The following ST6GALNAC3 variants were observed in gnomAD, a reference collection of about 807,000 sequenced individuals.
ST6GALNAC3 encodes ST6 N-acetylgalactosaminide alpha-2,6-sialyltransferase 3.
A neutral mutation model predicts 32.7 loss-of-function variants in ST6GALNAC3; 25 were observed. The ratio of observed to expected loss-of-function variants is 0.76; its 90% CI spans 0.56 to 1.07. The LOEUF (loss-of-function observed/expected upper bound fraction) is 1.07, where lower values mean the gene tolerates loss of function less well. Ranked by LOEUF, ST6GALNAC3 falls within the 50% of genes least tolerant of loss-of-function variation. The probability of loss-of-function intolerance (pLI) is 0.00; values close to 1 mark genes in which losing one functional copy is unlikely to be tolerated. For synonymous variants in ST6GALNAC3, 129 were observed against 133.1 expected (o/e 0.97, Z 0.21); for missense variants, 355 against 382.4 (o/e 0.93, Z 0.60).
intron 1 of ST6GALNAC3, among the ~76,000 whole-genome samples, chr1:76,214,630 A>G (rs1409094993): frequency 1.3e-5 from 2 of 152,232 alleles, no homozygotes; most frequent in Non-Finnish European, 2.9e-5. Context: ...AAAGAAAGGA[A>G]TTATTTGTTT....
chr1:76,609,058 A>G (rs1570437772), intron 3 of ST6GALNAC3, among the ~76,000 whole-genome samples: 1 of 152,214 alleles, frequency 6.6e-6, no homozygotes, highest in Non-Finnish European at 1.5e-5. Flanking sequence ...TTTTTGGAGC[A>G]CAGTGGCTCA....
At position 76,476,767 on chromosome 1, in the gene ST6GALNAC3, T is replaced by G. The variant is rs77629383; in HGVS notation, c.623+64350T>G. ...TAAAACCTTCAACTGAAAATTGTGC[T>G]GCCCTTTATGAAAATGAGCAGCTGG... On this transcript the variant is annotated intron_variant, in intron 3 of 4. Transcript: ENST00000328299. Among the ~76,000 whole-genome samples, 4 of 152,312 alleles carry G rather than the reference T, an allele frequency of 2.6e-5. No individual in the cohort carries two copies. The East Asian group carries it at 7.7e-4, about 29-fold the overall frequency.
intron 1 of ST6GALNAC3, among the ~76,000 whole-genome samples, chr1:76,278,104 T>C (rs1242713986): frequency 2.3e-5 from 3 of 132,498 alleles, no homozygotes; most frequent in Non-Finnish European, 4.6e-5. Context: ...AACATTATAA[T>C]GTTGAGTCTT....
chr1:76,399,617 G>A (rs890257160), intron 2 of ST6GALNAC3, among the ~76,000 whole-genome samples: 1 of 152,176 alleles, frequency 6.6e-6, no homozygotes, highest in Non-Finnish European at 1.5e-5. Context: ...AAGAAATCTT[G>A]TGGTATTTGG....
At chr1:76,613,004 A>G (rs1383750766) in intron 3 of ST6GALNAC3, among the ~76,000 whole-genome samples, 2 of 152,220 alleles carry the variant, frequency 1.3e-5, no homozygotes, top group African/African-American at 4.8e-5. Flanking sequence ...AAGCCATAGC[A>G]GTAAGTGGGT....
intron 1 of ST6GALNAC3, among the ~76,000 whole-genome samples, chr1:76,241,507 G>A (rs1317459645): frequency 6.6e-6 from 1 of 152,086 alleles, no homozygotes; most frequent in Non-Finnish European, 1.5e-5. Context: ...CCCAGGAATG[G>A]AATTAATCCA....
intron 1 of ST6GALNAC3, among the ~76,000 whole-genome samples, chr1:76,144,209 C>T (rs1241786123): frequency 2.6e-5 from 4 of 152,142 alleles, no homozygotes; most frequent in South Asian, 4.1e-4. Context: ...AAGCGTGCTG[C>T]TTGGCCACAA....
intron 3 of ST6GALNAC3, among the ~76,000 whole-genome samples, chr1:76,614,949 T>C (rs778114013): frequency 6.6e-5 from 10 of 151,862 alleles, no homozygotes; most frequent in Non-Finnish European, 1.0e-4. Context: ...TGGGGTATTG[T>C]GGCATTGGTG....
intron 1 of ST6GALNAC3, among the ~76,000 whole-genome samples, chr1:76,176,234 G>A (rs1031099151): frequency 3.9e-5 from 6 of 152,124 alleles, no homozygotes; most frequent in East Asian, 1.9e-4. Context: ...GATTGCCCAC[G>A]CCCTCTTGCA....
rs80339963 is a variant in ST6GALNAC3, at chr1:76,543,867, G to A, written c.624-83585G>A. Among the ~76,000 whole-genome samples, 105 of 152,278 alleles carry A rather than the reference G, an allele frequency of 6.9e-4. 1 individual carries two copies. The East Asian group carries it at 0.019, about 28-fold the overall frequency. Reference sequence around the variant, plus strand: ...AATTCTTCTTAATTCAAGTCCTACAGAGTGGTCAACTTCTTATTTTGCTAA... The same window carrying A: ...AATTCTTCTTAATTCAAGTCCTACAAAGTGGTCAACTTCTTATTTTGCTAA... On this transcript the variant is annotated intron_variant, in intron 3 of 4. Transcript: ENST00000328299.
At chr1:76,106,972 A>T (rs1647574533) in intron 1 of ST6GALNAC3, among the ~76,000 whole-genome samples, 1 of 152,190 alleles carries the variant, frequency 6.6e-6, no homozygotes, top group African/African-American at 2.4e-5. Flanking sequence ...TATCTTGCTG[A>T]GAAATTAACT....
At chr1:76,167,366 A>G (rs921478084) in intron 1 of ST6GALNAC3, among the ~76,000 whole-genome samples, 1 of 152,198 alleles carries the variant, frequency 6.6e-6, no homozygotes, top group African/African-American at 2.4e-5. Context: ...ATTGTGGTAG[A>G]TAAATTTTTT....
intron 1 of ST6GALNAC3, among the ~76,000 whole-genome samples, chr1:76,138,534 C>T (rs186741647): frequency 3.4e-4 from 52 of 152,320 alleles, no homozygotes; most frequent in Middle Eastern, 3.4e-3. Flanking sequence ...TACTCTGCAT[C>T]GCTGCAGTTC....
At chr1:76,113,765 G>A (rs1648258990) in intron 1 of ST6GALNAC3, among the ~76,000 whole-genome samples, 2 of 152,076 alleles carry the variant, frequency 1.3e-5, no homozygotes, top group African/African-American at 4.8e-5. Context: ...GGATTTCTGA[G>A]GAAAATTCTG....
chr1:76,448,266 T>C (rs1375403950), intron 3 of ST6GALNAC3, among the ~76,000 whole-genome samples: 2 of 152,178 alleles, frequency 1.3e-5, no homozygotes, highest in Non-Finnish European at 2.9e-5. Flanking sequence ...GGCCAATTTC[T>C]CCTTTTGAAT....
chr1:76,505,003 C>T (rs567113292), intron 3 of ST6GALNAC3, among the ~76,000 whole-genome samples: 1 of 152,136 alleles, frequency 6.6e-6, no homozygotes, highest in African/African-American at 2.4e-5. Context: ...AAATAGATAT[C>T]TTTCCGTCAT....
intron 1 of ST6GALNAC3, among the ~76,000 whole-genome samples, chr1:76,305,521 T>C (rs1342792288): frequency 1.3e-5 from 2 of 152,052 alleles, no homozygotes; most frequent in African/African-American, 2.4e-5. Flanking sequence ...AGGTTTGATT[T>C]TGGAAAGCTC....
Position 76,251,202 on chromosome 1 carries a change from A to G in ST6GALNAC3, c.19-62603A>G, listed in dbSNP as rs74092733. 7.9e-3 allele frequency among the ~76,000 whole-genome samples: 1,200 copies of G among 152,192 alleles called. 16 individuals carry two copies. Among genetic ancestry groups the G allele is most frequent in the African/African-American group, 0.028 (1,144 of 41,528 alleles). ...CTCCCATTATCACCCGCATGTCACT[A>G]GTTTTAGTCCATTTACGTGACTTCC... On this transcript the variant is annotated intron_variant, in intron 1 of 4. Transcript: ENST00000328299.
intron 3 of ST6GALNAC3, among the ~76,000 whole-genome samples, chr1:76,614,448 G>T (rs1449713394): frequency 6.6e-6 from 1 of 152,056 alleles, no homozygotes; most frequent in Non-Finnish European, 1.5e-5. Context: ...AACCAGGTGC[G>T]GTGGCTCACG....
Sources: allele counts gnomAD v4.1 joint callset (sites outside exome capture counted in the v4.1 genomes callset), GRCh38; gene constraint gnomAD v4.1.1; transcripts MANE v1.5; gene names NCBI Gene and HGNC (gene_info 2026-07-23, HGNC 2026-07-21).